CCDC170: variants seen among roughly 807,000 people sequenced by gnomAD.
The protein encoded by CCDC170 is coiled-coil domain-containing protein 170.
In CCDC170, 69 loss-of-function variants were observed where a neutral mutation model predicts 72.6. That is an observed-to-expected ratio of 0.95 (90% CI 0.78 to 1.16). The LOEUF (loss-of-function observed/expected upper bound fraction) is 1.16. Ranked by LOEUF, CCDC170 falls within the 50% of genes most tolerant of loss-of-function variation. The pLI, the probability that CCDC170 is intolerant of heterozygous loss-of-function variation, is 0.00. For synonymous variants in CCDC170, 300 were observed against 303.9 expected, an observed-to-expected ratio of 0.99 and a Z score of 0.13; for missense variants, 852 against 832.5, an observed-to-expected ratio of 1.02 and a Z score of -0.29.
intron 10 of CCDC170, among the ~76,000 whole-genome samples, chr6:151,616,545 G>A (rs757932940): frequency 4.6e-5 from 7 of 152,108 alleles, no homozygotes; most frequent in East Asian, 1.9e-4. Flanking sequence ...CACAATGAGC[G>A]TTCTCAGAAA....
chr6:151,531,497 G>A (rs75887651), intron 1 of CCDC170, among the ~76,000 whole-genome samples: 5,147 of 152,154 alleles, frequency 0.034, 280 homozygotes, highest in African/African-American at 0.12. Context: ...CTAGCTACTC[G>A]AGGGACTGAG....
intron 5 of CCDC170, 100 bp downstream of exon 5, chr6:151,548,589 G>C: frequency 1.0e-6 from 1 of 965,352 alleles, no homozygotes; most frequent in Non-Finnish European, 1.4e-6. Context: ...TACTGATTAC[G>C]ATTTTTTTTA....
chr6:151,611,127 T>G (rs1248321121), intron 9 of CCDC170, among the ~76,000 whole-genome samples: 1 of 152,026 alleles, frequency 6.6e-6, no homozygotes, highest in Non-Finnish European at 1.5e-5. Context: ...AATACAAAAA[T>G]TAGCCAGGAG....
chr6:151,550,316 C>T (rs1782858090), intron 5 of CCDC170, among the ~76,000 whole-genome samples: 1 of 152,140 alleles, frequency 6.6e-6, no homozygotes, highest in Non-Finnish European at 1.5e-5. Flanking sequence ...AGGGAGCCTC[C>T]TTGTGGGTGA....
chr6:151,569,990 G>A (rs1776195835), intron 5 of CCDC170, among the ~76,000 whole-genome samples: 1 of 152,192 alleles, frequency 6.6e-6, no homozygotes, highest in African/African-American at 2.4e-5. Context: ...CATAAATGTT[G>A]ATGCCTAGGT....
chr6:151,502,855 A>G (rs1782011580), intron 1 of CCDC170, among the ~76,000 whole-genome samples: 1 of 152,178 alleles, frequency 6.6e-6, no homozygotes, highest in African/African-American at 2.4e-5. Flanking sequence ...GCTCTTTTAG[A>G]TACGGTCCCC....
intron 1 of CCDC170, among the ~76,000 whole-genome samples, chr6:151,509,193 C>A (rs531306958): frequency 7.3e-5 from 11 of 151,158 alleles, no homozygotes; most frequent in African/African-American, 2.7e-4. Context: ...TCCCCCCTTT[C>A]GCTCTCTCTG....
rs1776568546 is a variant in CCDC170 at position 151,593,165 on chromosome 6, A to T, written c.1352A>T (p.Glu451Val). 1 of 1,614,066 alleles carries T rather than the reference A, an allele frequency of 6.2e-7. No homozygotes were observed. Among genetic ancestry groups the T allele is most frequent in the African/African-American group, 1.3e-5 (1 of 74,920 alleles). ...QKMKLDQMAA[E>V]LGFDMRLDVV... Reference sequence around the variant, plus strand: ...ATGAAGTTGGACCAGATGGCTGCCGAACTTGGCTTTGACATGCGGCTGGAC... The same window carrying T: ...ATGAAGTTGGACCAGATGGCTGCCGTACTTGGCTTTGACATGCGGCTGGAC... Residue 451 changes from glutamate to valine, a missense_variant, in exon 8 of 11, where the codon GAA becomes GTA. Coordinates refer to ENST00000239374, the MANE Select transcript of CCDC170 (RefSeq NM_025059.4).
At chr6:151,559,611 T>C (rs1783043838) in intron 5 of CCDC170, among the ~76,000 whole-genome samples, 1 of 152,212 alleles carries the variant, frequency 6.6e-6, no homozygotes, top group Admixed American at 6.5e-5. Flanking sequence ...TTGGTGTCTT[T>C]TGGCTTTCCT....
rs1562302264 is a variant in CCDC170, at chr6:151,618,116, AC to A, written c.2120del (p.Pro707HisfsTer15). ...GATGTGACTACTGGGCAAGAGAGGC[AC>A]CCACAAGGCCATTTACAGCTTCTTC... ...LKDVTTGQER[H>X]PQGHLQLLH On this transcript the variant is annotated frameshift_variant, in exon 11 of 11. Coordinates refer to ENST00000239374, the MANE Select transcript of CCDC170 (RefSeq NM_025059.4). LOFTEE classifies it high-confidence loss of function. The A allele has an allele frequency of 1.2e-6, 2 of 1,614,138 alleles. No individual in the cohort carries two copies. Among genetic ancestry groups the A allele is most frequent in the Non-Finnish European group, 1.7e-6 (2 of 1,180,026 alleles).
At position 151,599,703 on chromosome 6, in the gene CCDC170, A is replaced by G. The variant is rs76493784; in HGVS notation, c.1710+3126A>G. ...GAATGAGGCTGTGGTCAACTATACC[A>G]AGTACAGCAGTGCGATAATGACTGA... On this transcript the variant is annotated intron_variant, in intron 9 of 10. Transcript: ENST00000239374. 3.1e-3 allele frequency among the ~76,000 whole-genome samples: 478 copies of G among 152,302 alleles called. 2 individuals are homozygous for G. Among genetic ancestry groups the G allele is most frequent in the African/African-American group, 0.011 (444 of 41,570 alleles).
chr6:151,521,973 G>T (rs1263440114), intron 1 of CCDC170, among the ~76,000 whole-genome samples: 5 of 136,072 alleles, frequency 3.7e-5, no homozygotes, highest in African/African-American at 1.4e-4. Context: ...GTGACTGAGC[G>T]AGACTCTGTC....
intron 10 of CCDC170, among the ~76,000 whole-genome samples, chr6:151,617,110 A>G (rs187512137): frequency 1.3e-5 from 2 of 152,262 alleles, no homozygotes; most frequent in African/African-American, 4.8e-5. Flanking sequence ...TTCAGTTTGG[A>G]TCATCCCTTT....
chr6:151,554,660 G>T (rs1467145009), intron 5 of CCDC170, among the ~76,000 whole-genome samples: 1 of 151,878 alleles, frequency 6.6e-6, no homozygotes, highest in Non-Finnish European at 1.5e-5. Context: ...GGAGGCAGAG[G>T]TTGCAGTGAG....
At chr6:151,602,600 G>A (rs1776725279) in intron 9 of CCDC170, among the ~76,000 whole-genome samples, 1 of 152,040 alleles carries the variant, frequency 6.6e-6, no homozygotes, top group Non-Finnish European at 1.5e-5. Context: ...ATGATAGTGA[G>A]TTCTCATGAG....
At chr6:151,617,883 T>A in intron 10 of CCDC170, 64 bp from the exon 11 acceptor site, 9 of 1,504,844 alleles carry the variant, frequency 6.0e-6, no homozygotes, top group Non-Finnish European at 8.1e-6. Context: ...TTTGTTGCAT[T>A]TGGCTCAGCA....
At chr6:151,566,873 C>A (rs1233098858) in intron 5 of CCDC170, among the ~76,000 whole-genome samples, 2 of 152,160 alleles carry the variant, frequency 1.3e-5, no homozygotes, top group Non-Finnish European at 2.9e-5. Flanking sequence ...CTTAGTTAAT[C>A]TTGGTTGGAT....
rs142490529 is a variant in CCDC170, at chr6:151,535,961, A to G, written c.58-357A>G. On this transcript the variant is annotated intron_variant, in intron 1 of 10. Coordinates refer to ENST00000239374, the MANE Select transcript of CCDC170 (RefSeq NM_025059.4). ...GTAGAGATAGGGTCTTGCTGTCTCT[A>G]TCTGGTCAGGCTGGTCTGGAACTTC... Among the ~76,000 whole-genome samples, 46 of 152,192 alleles carry G rather than the reference A, an allele frequency of 3.0e-4. 2 individuals are homozygous for G. The East Asian group carries it at 8.5e-3, about 28-fold the overall frequency.
chr6:151,596,537 C>A lies in CCDC170; in HGVS notation c.1670C>A (p.Thr557Asn), dbSNP rs1562295039. The stretch of plus-strand genomic sequence containing the variant: ...CTGAACACGTGTCGAGACTTGCACA[C>A]CGAGCTCAAAGCCAAACTGGCCGAC... ...KELNTCRDLH[T>N]ELKAKLADTN... The change falls in exon 9 of 11, where the codon ACC (threonine) becomes AAC (asparagine). Residue 557 changes from threonine to asparagine, a missense_variant. Thr to Asn is a moderately conservative substitution (Grantham distance 65). Coordinates refer to ENST00000239374, the MANE Select transcript of CCDC170 (RefSeq NM_025059.4). 3 of 1,614,122 alleles carry A rather than the reference C, an allele frequency of 1.9e-6. No individual in the cohort carries two copies. Among genetic ancestry groups the A allele is most frequent in the Non-Finnish European group, 2.5e-6 (3 of 1,179,998 alleles).
Sources: allele counts gnomAD v4.1 joint callset (sites outside exome capture counted in the v4.1 genomes callset), GRCh38; gene constraint gnomAD v4.1.1; transcripts MANE v1.5; gene names NCBI Gene and HGNC (gene_info 2026-07-23, HGNC 2026-07-21).